Variants in CACNA1E observed in about 807,000 individuals in gnomAD.
CACNA1E encodes voltage-dependent R-type calcium channel subunit alpha-1E.
Under a neutral mutation model 259.2 loss-of-function variants are expected in CACNA1E, and 40 were observed. The observed-to-expected ratio is 0.15, with a 90% CI of 0.12 to 0.20. The LOEUF (loss-of-function observed/expected upper bound fraction) is 0.20, where lower values mean the gene tolerates loss of function less well. Ranked by LOEUF, CACNA1E falls within the 10% of genes least tolerant of loss-of-function variation. The pLI is 1.00. For synonymous variants in CACNA1E, 1,104 were observed against 1,138.5 expected (o/e 0.97, Z 0.61); for missense variants, 1,874 against 3,040.1 (o/e 0.62, Z 9.02).
At chr1:181,787,611 A>C (rs1660957290) in intron 43 of CACNA1E, among the ~76,000 whole-genome samples, 1 of 152,200 alleles carries the variant, frequency 6.6e-6, no homozygotes, top group Non-Finnish European at 1.5e-5. Flanking sequence ...CACTGGGGCT[A>C]TGGCAAAGAA....
intron 1 of CACNA1E, among the ~76,000 whole-genome samples, chr1:181,354,758 G>A (rs887849440): frequency 2.6e-5 from 4 of 152,176 alleles, no homozygotes; most frequent in Non-Finnish European, 5.9e-5. Flanking sequence ...AGAGGGTTTG[G>A]GGGGATAATG....
At chr1:181,490,563 C>A (rs1322038041) in intron 1 of CACNA1E, among the ~76,000 whole-genome samples, 1 of 92,606 alleles carries the variant, frequency 1.1e-5, no homozygotes, top group African/African-American at 3.9e-5. Context: ...TTTTTTTTTG[C>A]CTGTGGGTGG....
At position 181,723,417 on chromosome 1, in the gene CACNA1E, CT is replaced by C. The variant is rs567977026; in HGVS notation, c.2075-1048del. On this transcript the variant is annotated intron_variant, in intron 16 of 47. Coordinates refer to ENST00000367573, the MANE Select transcript of CACNA1E (RefSeq NM_001205293.3). ...AATGTGGCTGAACAAACTCAAAGTG[CT>C]TTTTCTGTTCCCTTACTCATCAACA... Among the ~76,000 whole-genome samples, 84 of 152,300 alleles carry C rather than the reference CT, an allele frequency of 5.5e-4. 1 individual carries two copies. The highest frequency in any genetic ancestry group is 2.0e-3 in the African/African-American group (83 of 41,564).
chr1:181,514,838 C>T (rs536204962), intron 3 of CACNA1E, among the ~76,000 whole-genome samples: 3 of 152,304 alleles, frequency 2.0e-5, no homozygotes, highest in Admixed American at 6.5e-5. Context: ...GACCTCTGAC[C>T]TCCTAAACTT....
Position 181,734,881 on chromosome 1 carries a change from GAATTC to G in CACNA1E, c.3262+1132_3262+1136del, listed in dbSNP as rs1572741734. On this transcript the variant is annotated intron_variant, in intron 21 of 47. Transcript: ENST00000367573. ...ACCCCACACCTCATCCCTGCATTAT[GAATTC>G]CACACCCTATCCTTGCCCTGACCCC... is the stretch of plus-strand genomic sequence containing the variant. Among the ~76,000 whole-genome samples, 7 of 146,064 alleles carry G rather than the reference GAATTC, an allele frequency of 4.8e-5. No individual in the cohort carries two copies. The East Asian group carries it at 1.2e-3, about 26-fold the overall frequency.
chr1:181,713,409 C>T (rs1467063246), intron 8 of CACNA1E, among the ~76,000 whole-genome samples: 1 of 152,166 alleles, frequency 6.6e-6, no homozygotes, highest in Non-Finnish European at 1.5e-5. Context: ...GAGTGCCCCA[C>T]CAATAACACT....
chr1:181,347,778 G>A (rs1246516611), intron 1 of CACNA1E, among the ~76,000 whole-genome samples: 1 of 152,262 alleles, frequency 6.6e-6, no homozygotes, highest in Non-Finnish European at 1.5e-5. Flanking sequence ...TGGGATGGGG[G>A]ATAGCCCCTT....
chr1:181,575,960 C>T (rs1650929944), intron 3 of CACNA1E, among the ~76,000 whole-genome samples: 1 of 152,218 alleles, frequency 6.6e-6, no homozygotes, highest in East Asian at 1.9e-4. Flanking sequence ...TGTTGCTTCT[C>T]GTTCTTTTTT....
intron 1 of CACNA1E, among the ~76,000 whole-genome samples, chr1:181,367,297 G>A (rs529134083): frequency 1.2e-4 from 18 of 152,112 alleles, no homozygotes; most frequent in African/African-American, 4.1e-4. Flanking sequence ...GAGTTGAATT[G>A]TCACCGTCTC....
chr1:181,765,976 GC>G (rs752660308), intron 34 of CACNA1E, among the ~76,000 whole-genome samples: 1 of 152,158 alleles, frequency 6.6e-6, no homozygotes, highest in Non-Finnish European at 1.5e-5. Flanking sequence ...CCAGGCTTTT[GC>G]ATGAAACATA....
intron 1 of CACNA1E, among the ~76,000 whole-genome samples, chr1:181,333,727 CT>C (rs1408093775): frequency 6.6e-6 from 1 of 152,098 alleles, no homozygotes; most frequent in African/African-American, 2.4e-5. Context: ...ACAATCTCGG[CT>C]TGCTGCAACC....
At chr1:181,571,159 C>G (rs976908698) in intron 3 of CACNA1E, among the ~76,000 whole-genome samples, 1 of 152,116 alleles carries the variant, frequency 6.6e-6, no homozygotes, top group African/African-American at 2.4e-5. Flanking sequence ...TAGGAAGGCA[C>G]TATCTCCTTT....
At chr1:181,403,201 A>G (rs1657226800) in intron 1 of CACNA1E, among the ~76,000 whole-genome samples, 1 of 152,106 alleles carries the variant, frequency 6.6e-6, no homozygotes, top group East Asian at 1.9e-4. Flanking sequence ...GTTCACAGTA[A>G]TAGTTATTTC....
In CACNA1E at chr1:181,790,360, G is replaced by T. The variant is rs1572901637; in HGVS notation, c.5787-85G>T. ...ACTAGGTTTACAAAAGCCAGCCAAG[G>T]CTAAAGGGTGTTGCCCTGCTGGGGT... On this transcript the variant is annotated intron_variant, in intron 43 of 47. Coordinates refer to ENST00000367573, the MANE Select transcript of CACNA1E (RefSeq NM_001205293.3). 1.0e-5 allele frequency: 8 copies of T among 780,954 alleles called. No individual in the cohort carries two copies. In the East Asian group the frequency reaches 2.1e-4, roughly 21 times the overall value. The allele number at this position is 780,954 out of a possible 1,614,324, so 48.4% of individuals were successfully genotyped here.
intron 3 of CACNA1E, among the ~76,000 whole-genome samples, chr1:181,564,349 A>G (rs576769891): frequency 6.6e-6 from 1 of 152,216 alleles, no homozygotes; most frequent in Admixed American, 6.5e-5. Flanking sequence ...CAGCATCTTC[A>G]TCAGGAGTAG....
chr1:181,479,881 C>T (rs942135317), upstream of CACNA1E, among the ~76,000 whole-genome samples: 2 of 152,190 alleles, frequency 1.3e-5, no homozygotes, highest in African/African-American at 4.8e-5. Context: ...CTTTGTCTGT[C>T]AAGGGTCGTG....
intron 1 of CACNA1E, among the ~76,000 whole-genome samples, chr1:181,405,545 G>A (rs1657403902): frequency 6.6e-6 from 1 of 152,204 alleles, no homozygotes; most frequent in African/African-American, 2.4e-5. Flanking sequence ...GACTGTCCAA[G>A]GAGTAGTTTT....
At chr1:181,458,335 CCA>C (rs1404113158) in intron 2 of CACNA1E, among the ~76,000 whole-genome samples, 1 of 152,172 alleles carries the variant, frequency 6.6e-6, no homozygotes, top group Non-Finnish European at 1.5e-5. Context: ...TCTGCATTTC[CCA>C]CAGTTTCCTA....
chr1:181,622,138 A>T (rs1376043204), intron 6 of CACNA1E, among the ~76,000 whole-genome samples: 1 of 152,302 alleles, frequency 6.6e-6, no homozygotes, highest in East Asian at 1.9e-4. Context: ...GGTCCATCAG[A>T]GCTGCCTCAT....
Sources: gnomAD v4.1 joint callset for allele counts (sites outside exome capture counted in the v4.1 genomes callset) on GRCh38, gnomAD v4.1.1 for gene constraint, MANE v1.5 for transcripts, NCBI Gene and HGNC (gene_info 2026-07-23, HGNC 2026-07-21) for gene names.